Variants in ABCA13 observed in about 807,000 individuals in gnomAD.
The protein encoded by ABCA13 is ATP-binding cassette sub-family A member 13.
Under a neutral mutation model 478.7 loss-of-function variants are expected in ABCA13, and 476 were observed. The observed-to-expected ratio is 0.99, with a 90% CI of 0.92 to 1.07. ABCA13 has a LOEUF of 1.07. Among genes scored for constraint, ABCA13 ranks in the 50% least tolerant of loss-of-function variants. The probability of loss-of-function intolerance (pLI) is 0.00; values close to 1 mark genes in which losing one functional copy is unlikely to be tolerated. For synonymous variants in ABCA13, 2,252 were observed against 2,158.9 expected, an observed-to-expected ratio of 1.04 and a Z score of -1.20; for missense variants, 6,060 against 5,910.6, an observed-to-expected ratio of 1.03 and a Z score of -0.83.
At position 48,440,182 on chromosome 7, in the gene ABCA13, G is replaced by A. The variant is rs536249399; in HGVS notation, c.12565+12311G>A. On this transcript the variant is annotated intron_variant, in intron 42 of 61. Coordinates refer to ENST00000435803, the MANE Select transcript of ABCA13 (RefSeq NM_152701.5). ...CAGATGTTAATTGTACAACCAGATG[G>A]ATTTTTCCATGGTACATACCTGCGT... Among the ~76,000 whole-genome samples, 496 of 152,154 alleles carry A rather than the reference G, an allele frequency of 3.3e-3. 2 individuals carry two copies. The highest frequency in any genetic ancestry group is 4.4e-3 in the Non-Finnish European group (297 of 67,996).
chr7:48,324,855 T>A (rs1804075525), intron 27 of ABCA13, among the ~76,000 whole-genome samples: 1 of 152,232 alleles, frequency 6.6e-6, no homozygotes, highest in Non-Finnish European at 1.5e-5. Flanking sequence ...CACGGTACAA[T>A]GATGCACAGT....
At chr7:48,471,659 T>C (rs1174896671) in intron 45 of ABCA13, 60 bp downstream of exon 45, 1 of 1,420,798 alleles carries the variant, frequency 7.0e-7, no homozygotes, top group Admixed American at 2.4e-5. Flanking sequence ...CAAAAATGAG[T>C]TTACCCTATC....
chr7:48,483,289 C>A, intron 47 of ABCA13, 126 bp downstream of exon 47: 3 of 750,910 alleles, frequency 4.0e-6, no homozygotes, highest in Non-Finnish European at 4.1e-6. Context: ...TACTAAGCAT[C>A]AAGGAAAATT....
Position 48,298,437 on chromosome 7 carries a change from T to G in ABCA13, c.9271T>G (p.Ser3091Ala), listed in dbSNP as rs1047524834. 1.9e-6 allele frequency: 3 copies of G among 1,613,572 alleles called. No individual in the cohort carries two copies. In the African/African-American group the frequency reaches 4.0e-5, roughly 22 times the overall value. The change falls in exon 23 of 62, where the codon TCG (serine) becomes GCG (alanine). Residue 3091 changes from serine (S) to alanine (A), a missense_variant. Around this residue, in one of 3 missense-constraint regions of ABCA13, gnomAD observed 4,423 missense variants for 4,309.1 expected, o/e 1.03. Transcript: ENST00000435803. ...TEELRSSIQI[S>A]NETIHSILEA... ...GGAGCTTCGCTCTTCCATCCAAATC[T>G]CGAATGAGACTATCCATAGCATTCT...
chr7:48,263,617 T>C (rs1794483985), intron 15 of ABCA13, among the ~76,000 whole-genome samples: 1 of 151,808 alleles, frequency 6.6e-6, no homozygotes, highest in African/African-American at 2.4e-5. Flanking sequence ...GCACATGCAA[T>C]TAATATTAGT....
rs192275502 is a variant in ABCA13 at position 48,228,986 on chromosome 7, C to G, written c.633-839C>G. On this transcript the variant is annotated intron_variant, in intron 6 of 61. Transcript: ENST00000435803. ...AGTGGCATGATATCAAGAAAATCTG[C>G]ATTCATAGAAGTATTTGCAAGTGGT... Among the ~76,000 whole-genome samples, 34 of 152,208 alleles carry G rather than the reference C, an allele frequency of 2.2e-4. No individual in the cohort carries two copies. The East Asian group carries it at 6.6e-3, about 29-fold the overall frequency.
At chr7:48,521,247 C>T (rs1319895943) in intron 53 of ABCA13, among the ~76,000 whole-genome samples, 1 of 152,150 alleles carries the variant, frequency 6.6e-6, no homozygotes, top group East Asian at 1.9e-4. Context: ...CCTGCTCTTT[C>T]CAAGGGCTAT....
chr7:48,262,404 T>G (rs1794316274), intron 15 of ABCA13, among the ~76,000 whole-genome samples: 1 of 151,904 alleles, frequency 6.6e-6, no homozygotes, highest in Non-Finnish European at 1.5e-5. Flanking sequence ...AGTCAGATGC[T>G]TATACCTCTA....
rs958487706 is a variant in ABCA13 at position 48,275,735 on chromosome 7, C to G, written c.6069C>G (p.Leu2023=). The change falls in exon 17 of 62, where the codon CTC becomes CTG. Residue 2023 remains leucine (L), a synonymous_variant. Coordinates refer to ENST00000435803, the MANE Select transcript of ABCA13 (RefSeq NM_152701.5). ...WSLEKSTHNL[L]SLFMMLQNAN... is the part of the protein sequence containing the mutation. The stretch of plus-strand genomic sequence containing the variant: ...TAGAAAAAAGTACGCATAATCTACT[C>G]TCTTTATTCATGATGCTCCAGAATG... 1.9e-5 allele frequency: 30 copies of G among 1,606,690 alleles called. No individual in the cohort carries two copies. Among genetic ancestry groups the G allele is most frequent in the Non-Finnish European group, 2.6e-5 (30 of 1,175,884 alleles).
At chr7:48,476,782 C>T (rs1373723062) in intron 45 of ABCA13, among the ~76,000 whole-genome samples, 2 of 152,018 alleles carry the variant, frequency 1.3e-5, no homozygotes, top group African/African-American at 4.8e-5. Context: ...GGTAAGTGAG[C>T]ATGGCATGTG....
chr7:48,176,828 T>C (rs1794949496), intron 1 of ABCA13, among the ~76,000 whole-genome samples: 1 of 152,182 alleles, frequency 6.6e-6, no homozygotes, highest in Admixed American at 6.5e-5. Flanking sequence ...TAAAGAAACA[T>C]ATTCTTAAGT....
intron 33 of ABCA13, among the ~76,000 whole-genome samples, chr7:48,373,862 T>G (rs182859025): frequency 6.6e-6 from 1 of 152,124 alleles, no homozygotes; most frequent in East Asian, 1.9e-4. Context: ...ATGTAAGATA[T>G]TTTTTTCAAT....
chr7:48,274,169 G>A lies in ABCA13; in HGVS notation c.4503G>A (p.Arg1501=). ...TAAATGATTCCACAAAGCAAGTAAG[G>A]ATGAGTATCAACAACTTAACAACAG... ...ALLNDSTKQV[R]MSINNLTTDF... The change falls in exon 17 of 62, where the codon AGG becomes AGA. Residue 1501 remains arginine (R), a synonymous_variant. Coordinates refer to ENST00000435803, the MANE Select transcript of ABCA13 (RefSeq NM_152701.5). The A allele has an allele frequency of 6.2e-7, 1 of 1,610,928 alleles. No individual in the cohort carries two copies. Among genetic ancestry groups the A allele is most frequent in the South Asian group, 1.1e-5 (1 of 90,824 alleles).
chr7:48,558,252 C>CTT (rs1054426023), intron 55 of ABCA13, among the ~76,000 whole-genome samples: 4 of 112,006 alleles, frequency 3.6e-5, no homozygotes, highest in African/African-American at 6.8e-5. Context: ...TTTTCTTTTT[C>CTT]TTTTTTTTTT....
At chr7:48,345,964 T>A (rs1010280131) in intron 29 of ABCA13, among the ~76,000 whole-genome samples, 14 of 152,188 alleles carry the variant, frequency 9.2e-5, no homozygotes, top group Admixed American at 3.9e-4. Flanking sequence ...TTTAGATATG[T>A]TTAGATAAAC....
At chr7:48,419,205 G>T (rs1258925398) in intron 41 of ABCA13, among the ~76,000 whole-genome samples, 1 of 152,178 alleles carries the variant, frequency 6.6e-6, no homozygotes, top group Non-Finnish European at 1.5e-5. Context: ...GGACATTAGG[G>T]ATTGCAATTT....
chr7:48,322,949 G>C (rs567309353), intron 27 of ABCA13, among the ~76,000 whole-genome samples: 6 of 152,220 alleles, frequency 3.9e-5, no homozygotes, highest in Admixed American at 3.9e-4. Context: ...ATCATCATCT[G>C]TAACCTTTGA....
intron 7 of ABCA13, 112 bp downstream of exon 7, chr7:48,230,067 A>G: frequency 7.7e-7 from 1 of 1,297,208 alleles, no homozygotes; most frequent in Non-Finnish European, 1.0e-6. Flanking sequence ...TAAAATTTCA[A>G]ATTCAAAAAA....
chr7:48,634,685 T>C (rs1032213193), intron 59 of ABCA13, among the ~76,000 whole-genome samples: 10 of 152,178 alleles, frequency 6.6e-5, no homozygotes, highest in African/African-American at 2.4e-4. Context: ...AGGTTTAGTT[T>C]GCTTTTCTTT....
Sources: gnomAD v4.1 joint callset for allele counts (sites outside exome capture counted in the v4.1 genomes callset) on GRCh38, gnomAD v4.1.1 for gene constraint, gnomAD v4.1.1 regional missense constraint, MANE v1.5 for transcripts, NCBI Gene and HGNC (gene_info 2026-07-23, HGNC 2026-07-21) for gene names.